Variants in SREK1 observed in about 807,000 individuals in gnomAD.
SREK1 encodes splicing regulatory glutamic acid and lysine rich protein 1.
SREK1 carries 13 observed loss-of-function variants against 66.5 expected under a neutral mutation model. That is an observed-to-expected ratio of 0.20 (90% CI 0.13 to 0.31). The LOEUF (loss-of-function observed/expected upper bound fraction) is 0.31. Among genes scored for constraint, SREK1 ranks in the 10% least tolerant of loss-of-function variants. The pLI, the probability that SREK1 is intolerant of heterozygous loss-of-function variation, is 1.00. For missense variants in SREK1, 607 were observed against 769.6 expected, an observed-to-expected ratio of 0.79 and a Z score of 2.50; for synonymous variants, 265 against 263.5, an observed-to-expected ratio of 1.01 and a Z score of -0.05.
intron 1 of SREK1, among the ~76,000 whole-genome samples, chr5:66,149,682 A>G (rs1743594542): frequency 6.6e-6 from 1 of 152,260 alleles, no homozygotes; most frequent in Non-Finnish European, 1.5e-5. Flanking sequence ...GTTGCTTCAG[A>G]GATGACTGTC....
chr5:66,155,817 A>C (rs1004750494), intron 2 of SREK1, among the ~76,000 whole-genome samples: 2 of 152,248 alleles, frequency 1.3e-5, no homozygotes, highest in Non-Finnish European at 2.9e-5. Flanking sequence ...TTTGTTAATA[A>C]AACATGCCAT....
chr5:66,157,496 C>G, intron 2 of SREK1: 4 of 985,158 alleles, frequency 4.1e-6, no homozygotes, highest in Non-Finnish European at 4.8e-6. Flanking sequence ...TCAGGTTTTA[C>G]AAACCTTTTG....
chr5:66,157,573 G>T, intron 2 of SREK1: 2 of 967,622 alleles, frequency 2.1e-6, no homozygotes, highest in Non-Finnish European at 2.5e-6. Flanking sequence ...GTATATGTGG[G>T]TATATATAAA....
chr5:66,152,270 A>G (rs1397801075), intron 1 of SREK1, among the ~76,000 whole-genome samples: 2 of 152,238 alleles, frequency 1.3e-5, no homozygotes, highest in Non-Finnish European at 2.9e-5. Flanking sequence ...TAGCATAAAT[A>G]TATATAAATT....
intron 1 of SREK1, among the ~76,000 whole-genome samples, chr5:66,152,905 G>C (rs1235728974): frequency 1.3e-5 from 2 of 151,932 alleles, no homozygotes; most frequent in Admixed American, 1.3e-4. Context: ...AGTCTTTGTT[G>C]CCTATAAAAT....
rs1346746207 is a variant in SREK1, at chr5:66,183,575, A to G, written c.*4707A>G. 3 of 152,172 alleles carry G rather than the reference A, an allele frequency of 2.0e-5. No individual in the cohort carries two copies. Among genetic ancestry groups the G allele is most frequent in the African/African-American group, 7.2e-5 (3 of 41,450 alleles). The allele number at this position is 152,172 out of a possible 1,614,324, so 9.4% of individuals were successfully genotyped here. On this transcript the variant is annotated 3_prime_UTR_variant, in exon 12 of 12. Coordinates refer to ENST00000334121, the MANE Select transcript of SREK1 (RefSeq NM_001077199.3). ...AGATTTATCAAACAATGCTGCTATT[A>G]TGTTGCTATATTTTTAATAAAATGA... is the stretch of plus-strand genomic sequence containing the variant.
intron 6 of SREK1, 135 bp from the exon 7 acceptor site, chr5:66,164,648 A>G: frequency 1.3e-6 from 2 of 1,574,102 alleles, no homozygotes; most frequent in South Asian, 2.3e-5. Context: ...ACTTTCTTGG[A>G]TGTTTCTGAA....
At chr5:66,168,773 T>C (rs1401733347) in intron 7 of SREK1, 1 of 152,252 alleles carries the variant, frequency 6.6e-6, no homozygotes, top group Non-Finnish European at 1.5e-5. Flanking sequence ...TAGAAGTTCA[T>C]TCAGCTTCCT....
chr5:66,165,058 T>A, intron 7 of SREK1, 161 bp downstream of exon 7: 1 of 578,378 alleles, frequency 1.7e-6, no homozygotes, highest in Non-Finnish European at 2.8e-6. Context: ...AATACTGTAG[T>A]TGAGAATGAA....
At chr5:66,158,023 C>A (rs1744433407) in intron 2 of SREK1, 1 of 151,674 alleles carries the variant, frequency 6.6e-6, no homozygotes, top group Admixed American at 6.6e-5. Flanking sequence ...TTTTAAAACA[C>A]TTTTGGAGAA....
chr5:66,156,593 A>C, intron 2 of SREK1: 1 of 982,984 alleles, frequency 1.0e-6, no homozygotes, highest in Non-Finnish European at 1.2e-6. Flanking sequence ...TTTCCCCCCT[A>C]GTCTACATCT....
chr5:66,144,883 C>A, intron 1 of SREK1: 2 of 1,019,746 alleles, frequency 2.0e-6, no homozygotes. Flanking sequence ...CGGAACAGCC[C>A]TCATGGCAAA....
At chr5:66,175,968 G>A (rs1022402056) in intron 10 of SREK1, among the ~76,000 whole-genome samples, 5 of 151,874 alleles carry the variant, frequency 3.3e-5, no homozygotes, top group Admixed American at 2.0e-4. Flanking sequence ...TTTCTTTTAT[G>A]ACTTCTTATG....
intron 1 of SREK1, among the ~76,000 whole-genome samples, chr5:66,150,339 T>C (rs1238828594): frequency 1.3e-5 from 2 of 152,154 alleles, no homozygotes; most frequent in Non-Finnish European, 2.9e-5. Context: ...ACTTGGAAAT[T>C]TGAGCCTTGA....
chr5:66,156,753 C>T (rs1290048776), intron 2 of SREK1: 2 of 985,230 alleles, frequency 2.0e-6, no homozygotes, highest in Non-Finnish European at 2.4e-6. Context: ...TAACTTATTT[C>T]CTTGACTTAT....
chr5:66,177,511 T>C lies in SREK1; in HGVS notation c.1581-3T>C, dbSNP rs1344379089. 1.7e-5 allele frequency: 26 copies of C among 1,572,626 alleles called. No homozygotes were observed. The highest frequency in any genetic ancestry group is 2.2e-5 in the Non-Finnish European group (26 of 1,161,328). On this transcript the variant is annotated splice_region_variant and splice_polypyrimidine_tract_variant and intron_variant, in intron 10 of 11. Transcript: ENST00000334121. ...TTTAACTGACATATCAATATTCTTA[T>C]AGCAGAAATAAGAAGGATAAAAAGA...
At chr5:66,146,170 A>C (rs1743177019) in intron 1 of SREK1, among the ~76,000 whole-genome samples, 1 of 152,170 alleles carries the variant, frequency 6.6e-6, no homozygotes, top group African/African-American at 2.4e-5. Flanking sequence ...AACATTTCTT[A>C]ATAGTTGAGA....
intron 10 of SREK1, among the ~76,000 whole-genome samples, chr5:66,176,250 A>G (rs1022053024): frequency 1.3e-5 from 2 of 152,084 alleles, no homozygotes; most frequent in South Asian, 2.1e-4. Flanking sequence ...GTTTGGGTCT[A>G]TTTCTGGGTC....
rs116054534 is a variant in SREK1, at chr5:66,177,932, A to T, written c.1725+274A>T. Reference sequence around the variant, plus strand: ...AACAGTAACAAATGTATTTGATTTTATGTAGATAGGATTTCTGCCTGATGC... The same window carrying T: ...AACAGTAACAAATGTATTTGATTTTTTGTAGATAGGATTTCTGCCTGATGC... On this transcript the variant is annotated intron_variant, in intron 11 of 11. Transcript: ENST00000334121. Among the ~76,000 whole-genome samples, 617 of 152,216 alleles carry T rather than the reference A, an allele frequency of 4.1e-3. 4 individuals carry two copies. The highest frequency in any genetic ancestry group is 0.014 in the African/African-American group (601 of 41,562).
Sources: allele counts gnomAD v4.1 joint callset (sites outside exome capture counted in the v4.1 genomes callset), GRCh38; gene constraint gnomAD v4.1.1; transcripts MANE v1.5; gene names NCBI Gene and HGNC (gene_info 2026-07-23, HGNC 2026-07-21).